Variants in TMPRSS15 observed in about 807,000 individuals in gnomAD.
The protein encoded by TMPRSS15 is transmembrane serine protease 15.
A neutral mutation model predicts 125.3 loss-of-function variants in TMPRSS15; 128 were observed. The ratio of observed to expected loss-of-function variants is 1.02; its 90% CI spans 0.89 to 1.18. TMPRSS15 has a LOEUF of 1.18. Among genes scored for constraint, TMPRSS15 ranks in the 50% most tolerant of loss-of-function variants. The pLI is 0.00. For synonymous variants in TMPRSS15, 446 were observed against 423.2 expected (o/e 1.05, Z -0.66); for missense variants, 1,283 against 1,212.7 (o/e 1.06, Z -0.86).
intron 1 of TMPRSS15, among the ~76,000 whole-genome samples, chr21:18,427,778 AT>A (rs1027707406): frequency 3.3e-5 from 5 of 152,138 alleles, no homozygotes; most frequent in African/African-American, 1.2e-4. Flanking sequence ...TTTTTAAAAC[AT>A]TTTTTTCCCA....
intron 1 of TMPRSS15, among the ~76,000 whole-genome samples, chr21:18,441,390 A>G (rs1161792431): frequency 6.6e-6 from 1 of 151,892 alleles, no homozygotes; most frequent in Non-Finnish European, 1.5e-5. Context: ...GCAGATCATG[A>G]GGTCAGGAGA....
At chr21:18,442,710 T>C (rs1044248070) in intron 1 of TMPRSS15, among the ~76,000 whole-genome samples, 1 of 152,200 alleles carries the variant, frequency 6.6e-6, no homozygotes, top group African/African-American at 2.4e-5. Context: ...CTCTGTTTAT[T>C]TTGTTATACA....
intron 18 of TMPRSS15, 63 bp downstream of exon 18, chr21:18,312,882 T>A: frequency 6.3e-7 from 1 of 1,596,616 alleles, no homozygotes. Flanking sequence ...TTATTAAACC[T>A]AATTTGATAG....
intron 21 of TMPRSS15, among the ~76,000 whole-genome samples, chr21:18,288,666 G>C (rs899367316): frequency 6.7e-6 from 1 of 148,750 alleles, no homozygotes; most frequent in Admixed American, 6.8e-5. Context: ...TCAGCCTCCC[G>C]AGTAGCTGGG....
intron 1 of TMPRSS15, among the ~76,000 whole-genome samples, chr21:18,479,141 C>T (rs535627286): frequency 1.3e-5 from 2 of 151,986 alleles, no homozygotes; most frequent in South Asian, 4.1e-4. Context: ...ATTTGGAATG[C>T]TCAATCTGTA....
intron 1 of TMPRSS15, among the ~76,000 whole-genome samples, chr21:18,418,565 A>G (rs949644629): frequency 5.9e-5 from 9 of 152,080 alleles, no homozygotes; most frequent in Non-Finnish European, 1.3e-4. Flanking sequence ...AAATAGGGAA[A>G]ATGTTACCCC....
intron 1 of TMPRSS15, among the ~76,000 whole-genome samples, chr21:18,455,735 G>T (rs756524362): frequency 1.2e-4 from 18 of 152,166 alleles, no homozygotes; most frequent in Non-Finnish European, 1.6e-4. Context: ...GCTATCAACA[G>T]TGACAATCAG....
chr21:18,436,361 C>G (rs939427104), intron 1 of TMPRSS15, among the ~76,000 whole-genome samples: 26 of 152,170 alleles, frequency 1.7e-4, no homozygotes, highest in East Asian at 1.5e-3. Flanking sequence ...CAAAGAACAT[C>G]TTTATTTCTG....
chr21:18,396,761 G>C (rs1470691387), intron 3 of TMPRSS15, among the ~76,000 whole-genome samples: 1 of 111,694 alleles, frequency 9.0e-6, no homozygotes. Flanking sequence ...GCGACAGAAT[G>C]AGACTCTGTC....
intron 1 of TMPRSS15, among the ~76,000 whole-genome samples, chr21:18,441,047 C>A (rs542698381): frequency 6.6e-6 from 1 of 152,004 alleles, no homozygotes; most frequent in South Asian, 2.1e-4. Flanking sequence ...AATCCCAGCA[C>A]TTTGGGAGAC....
chr21:18,471,216 C>T (rs1317371115), intron 1 of TMPRSS15, among the ~76,000 whole-genome samples: 1 of 151,820 alleles, frequency 6.6e-6, no homozygotes, highest in Non-Finnish European at 1.5e-5. Flanking sequence ...ACAACAACAA[C>T]AAAAACAAAA....
chr21:18,321,630 C>T (rs760718310), intron 16 of TMPRSS15, among the ~76,000 whole-genome samples: 1 of 152,102 alleles, frequency 6.6e-6, no homozygotes, highest in African/African-American at 2.4e-5. Flanking sequence ...GGGTTACGGG[C>T]GTGAGCCACG....
chr21:18,428,688 T>C (rs1362637921), intron 1 of TMPRSS15, among the ~76,000 whole-genome samples: 1 of 152,158 alleles, frequency 6.6e-6, no homozygotes, highest in Non-Finnish European at 1.5e-5. Flanking sequence ...AGTCAAGAAT[T>C]GAGGTTTGGG....
chr21:18,275,647 A>G (rs1169184829), intron 23 of TMPRSS15, among the ~76,000 whole-genome samples: 5 of 152,152 alleles, frequency 3.3e-5, no homozygotes, highest in Non-Finnish European at 7.3e-5. Context: ...ATGGGGGAAA[A>G]CGCTCCCCAA....
Position 18,359,834 on chromosome 21 carries a change from C to T in TMPRSS15, c.803G>A (p.Ser268Asn), listed in dbSNP as rs374578220. 3.3e-6 allele frequency: 5 copies of T among 1,533,942 alleles called. No homozygotes were observed. In the African/African-American group the frequency reaches 6.8e-5, roughly 21 times the overall value. The change falls in exon 8 of 25, where the codon AGC (serine) becomes AAC (asparagine). Residue 268 changes from serine to asparagine, a missense_variant. Ser to Asn is a conservative substitution (Grantham distance 46). Coordinates refer to ENST00000284885, the MANE Select transcript of TMPRSS15 (RefSeq NM_002772.3). ...ATAATATGTATTAAAATCATCGAAG[C>T]TCAGTTTAATGGAAAGTCCTTGGTT... is the stretch of plus-strand genomic sequence containing the variant. ...RVNQGLSIKL[S>N]FDDFNTYYTD...
At chr21:18,365,383 A>G (rs2147032428) in intron 6 of TMPRSS15, 135 bp from the exon 7 acceptor site, 1 of 767,188 alleles carries the variant, frequency 1.3e-6, no homozygotes, top group East Asian at 2.7e-5. Flanking sequence ...GTAAGATTTC[A>G]TGTTTGAAAC....
chr21:18,437,245 ATGGTGC>A (rs920441484), intron 1 of TMPRSS15, among the ~76,000 whole-genome samples: 3 of 151,658 alleles, frequency 2.0e-5, no homozygotes, highest in Non-Finnish European at 2.9e-5. Context: ...TATTTAATAA[ATGGTGC>A]TGGGAAAACT....
At chr21:18,406,486 C>G (rs1037436803), upstream of TMPRSS15, among the ~76,000 whole-genome samples, 1 of 151,886 alleles carries the variant, frequency 6.6e-6, no homozygotes, top group Admixed American at 6.6e-5. Context: ...TTTCTATTGA[C>G]TAACAGATAA....
At chr21:18,311,317 A>G (rs1334865832) in intron 18 of TMPRSS15, among the ~76,000 whole-genome samples, 11 of 152,208 alleles carry the variant, frequency 7.2e-5, no homozygotes, top group Admixed American at 7.2e-4. Context: ...AATGGGAGAA[A>G]ATATCTGCAA....
Sources: allele counts gnomAD v4.1 joint callset (sites outside exome capture counted in the v4.1 genomes callset), GRCh38; gene constraint gnomAD v4.1.1; transcripts MANE v1.5; gene names NCBI Gene and HGNC (gene_info 2026-07-23, HGNC 2026-07-21).